The following ZFYVE1 variants were observed in gnomAD, a reference collection of about 807,000 sequenced individuals.
ZFYVE1 encodes the protein zinc finger FYVE domain-containing protein 1.
Under a neutral mutation model 74.4 loss-of-function variants are expected in ZFYVE1, and 30 were observed. The observed-to-expected ratio is 0.40, with a 90% confidence interval of 0.30 to 0.55. The LOEUF (loss-of-function observed/expected upper bound fraction) is 0.55. ZFYVE1 is among the 20% of genes least tolerant of loss of function. The probability of loss-of-function intolerance (pLI) is 0.42; values close to 1 mark genes in which losing one functional copy is unlikely to be tolerated. For synonymous variants in ZFYVE1, 335 were observed against 385.1 expected, an observed-to-expected ratio of 0.87 and a Z score of 1.52; for missense variants, 703 against 1,011.6, an observed-to-expected ratio of 0.69 and a Z score of 4.14.
At chr14:73,023,350 A>ATATATATGTTTTATATAT (rs1894379045) in intron 2 of ZFYVE1, among the ~76,000 whole-genome samples, 1 of 57,482 alleles carries the variant, frequency 1.7e-5, no homozygotes, top group Non-Finnish European at 3.6e-5. Context: ...TTTATATATA[A>ATATATATGTTTTATATAT]TATATATTAT....
rs1345867780 is a variant in ZFYVE1, at chr14:72,974,971, C to A, written c.1807-12G>T. 6.3e-7 allele frequency: 1 copy of A among 1,594,448 alleles called. No individual in the cohort carries two copies. Among genetic ancestry groups the A allele is most frequent in the Non-Finnish European group, 8.6e-7 (1 of 1,164,246 alleles). ...CACTTGTTGCAGCTCTGTTCCAAGC[C>A]CAAAACAAAACAGAGAGGCAGGTAG... is the stretch of plus-strand genomic sequence containing the variant. On this transcript the variant is annotated splice_polypyrimidine_tract_variant and intron_variant, in intron 9 of 11. Coordinates refer to ENST00000556143, the MANE Select transcript of ZFYVE1 (RefSeq NM_021260.4).
At chr14:73,001,358 A>G (rs1369797759) in intron 2 of ZFYVE1, among the ~76,000 whole-genome samples, 2 of 152,164 alleles carry the variant, frequency 1.3e-5, no homozygotes, top group African/African-American at 4.8e-5. Context: ...AGATTTTCCT[A>G]AAATCCACAG....
chr14:73,015,538 C>A (rs1230756714), intron 2 of ZFYVE1, among the ~76,000 whole-genome samples: 1 of 151,966 alleles, frequency 6.6e-6, no homozygotes, highest in Non-Finnish European at 1.5e-5. Flanking sequence ...ACTACAGGTG[C>A]CTGCCCAGCT....
At position 73,026,995 on chromosome 14, in the gene ZFYVE1, T is replaced by C. The variant is rs1274796179; in HGVS notation, c.-504A>G. 1 of 398,606 alleles carries C rather than the reference T, an allele frequency of 2.5e-6. No homozygotes were observed. The highest frequency in any genetic ancestry group is 2.1e-5 in the African/African-American group (1 of 48,608). 24.7% of individuals were successfully genotyped at this position (398,606 alleles called of 1,614,324 possible). ...GGGCGCCAGTGGGGGCAGAGGCTATTCCTCAGGACACCGGCAGATCCATCC... is the reference window on the plus strand; with the variant it reads ...GGGCGCCAGTGGGGGCAGAGGCTATCCCTCAGGACACCGGCAGATCCATCC... On this transcript the variant is annotated 5_prime_UTR_variant, in exon 1 of 12. Coordinates refer to ENST00000556143, the MANE Select transcript of ZFYVE1 (RefSeq NM_021260.4).
chr14:73,019,192 G>A (rs1416797190), intron 2 of ZFYVE1, among the ~76,000 whole-genome samples: 1 of 152,130 alleles, frequency 6.6e-6, no homozygotes, highest in Non-Finnish European at 1.5e-5. Flanking sequence ...AAACTGAGTA[G>A]TACTCAAATC....
chr14:72,973,109 C>A (rs563667950), intron 11 of ZFYVE1, among the ~76,000 whole-genome samples: 1 of 152,338 alleles, frequency 6.6e-6, no homozygotes, highest in East Asian at 1.9e-4. Context: ...CCTGCCCCCT[C>A]CCTTGAATCT....
chr14:72,970,075 T>C lies in ZFYVE1; in HGVS notation c.*807A>G. On this transcript the variant is annotated 3_prime_UTR_variant, in exon 12 of 12. Transcript: ENST00000556143. ...CGATTGAGGAGCTGGGTGCCGCCTT[T>C]TGGGAAAGCCGAGTGGAGACAGAAG... 2 of 314,948 alleles carry C rather than the reference T, an allele frequency of 6.4e-6. No homozygotes were observed. The highest frequency in any genetic ancestry group is 1.2e-5 in the Non-Finnish European group (2 of 170,422). The allele number at this position is 314,948 out of a possible 1,614,324, so 19.5% of individuals were successfully genotyped here. A position where few individuals can be genotyped will look rare whatever the true frequency, so the allele number is the denominator to read the frequency against.
At chr14:72,984,791 C>T (rs139022875) in intron 4 of ZFYVE1, among the ~76,000 whole-genome samples, 63 of 152,260 alleles carry the variant, frequency 4.1e-4, no homozygotes, top group African/African-American at 1.3e-3. Context: ...TACTGTAACT[C>T]GGTATTAAAT....
At chr14:72,979,011 G>C in intron 5 of ZFYVE1, 42 bp from the exon 6 acceptor site, 1 of 1,564,678 alleles carries the variant, frequency 6.4e-7, no homozygotes, top group Non-Finnish European at 8.8e-7. Context: ...GGCTAAAGGA[G>C]CCAGTGCCAC....
chr14:72,978,221 C>T lies in ZFYVE1; in HGVS notation c.1433G>A (p.Arg478Lys), dbSNP rs774599524. 4 of 1,614,032 alleles carry T rather than the reference C, an allele frequency of 2.5e-6. No individual in the cohort carries two copies. Among genetic ancestry groups the T allele is most frequent in the Admixed American group, 3.3e-5 (2 of 60,004 alleles). Residue 478 changes from arginine to lysine, a missense_variant, in exon 7 of 12, where the codon AGA (arginine) becomes AAA (lysine). Arg to Lys is a conservative substitution (Grantham distance 26). Coordinates refer to ENST00000556143, the MANE Select transcript of ZFYVE1 (RefSeq NM_021260.4). ...GGGCACTACACTGACTTCCTCGCCT[C>T]TCTCATAGCAGGCCTGAAACAGGAA... ...RVYTCKACYERGEEVSVVPKT... is the reference protein window; with the variant it reads ...RVYTCKACYEKGEEVSVVPKT...
chr14:73,024,157 C>T lies in ZFYVE1; in HGVS notation c.352G>A (p.Val118Ile). Residue 118 changes from valine to isoleucine, a missense_variant, in exon 2 of 12, where the codon GTT becomes ATT. By Grantham distance (29) the Val-to-Ile change is conservative. Around this residue, in one of 2 missense-constraint regions of ZFYVE1, gnomAD observed 211 missense variants for 221.7 expected, o/e 0.95. Coordinates refer to ENST00000556143, the MANE Select transcript of ZFYVE1 (RefSeq NM_021260.4). ...HSGGNKRRHP[V>I]TVYNVSNLQE... ...AGATTACTGACATTGTACACAGTAA[C>T]AGGGTGTCTCCTTTTGTTACCCCCA... The T allele has an allele frequency of 6.2e-7, 1 of 1,614,174 alleles. No individual in the cohort carries two copies.
At chr14:72,985,485 C>A (rs1241768114) in intron 4 of ZFYVE1, among the ~76,000 whole-genome samples, 1 of 152,036 alleles carries the variant, frequency 6.6e-6, no homozygotes, top group East Asian at 1.9e-4. Flanking sequence ...GCCCCTACCA[C>A]AATGTATGGA....
At chr14:73,025,181 G>A (rs2140395369) in intron 1 of ZFYVE1, among the ~76,000 whole-genome samples, 1 of 151,138 alleles carries the variant, frequency 6.6e-6, no homozygotes, top group Non-Finnish European at 1.5e-5. Context: ...CGATTCTCCT[G>A]CCTCAGCCTC....
intron 2 of ZFYVE1, among the ~76,000 whole-genome samples, chr14:73,000,683 G>A (rs572695347): frequency 1.3e-5 from 2 of 151,590 alleles, no homozygotes; most frequent in Admixed American, 6.6e-5. Context: ...TGGTGGGAAC[G>A]TAAAATCACA....
chr14:73,025,200 C>T (rs1214312487), intron 1 of ZFYVE1, among the ~76,000 whole-genome samples: 2 of 151,760 alleles, frequency 1.3e-5, no homozygotes, highest in African/African-American at 4.8e-5. Flanking sequence ...TCCCAAGGAG[C>T]TGGGATTACA....
chr14:72,979,134 CTT>C, intron 5 of ZFYVE1, 165 bp from the exon 6 acceptor site: 1 of 613,292 alleles, frequency 1.6e-6, no homozygotes, highest in Admixed American at 2.5e-5. Context: ...CCACATGCCT[CTT>C]TGTTACACTT....
chr14:73,025,773 A>C (rs890400116), intron 1 of ZFYVE1, among the ~76,000 whole-genome samples: 1 of 151,472 alleles, frequency 6.6e-6, no homozygotes, highest in Admixed American at 6.6e-5. Flanking sequence ...CTCTAGGCCC[A>C]AGGCATTTAA....
At chr14:73,017,500 CTT>C (rs1264882985) in intron 2 of ZFYVE1, among the ~76,000 whole-genome samples, 2 of 152,212 alleles carry the variant, frequency 1.3e-5, no homozygotes, top group Admixed American at 6.5e-5. Context: ...ATTTATCTCT[CTT>C]TTTTGTACTA....
rs1893394310 is a variant in ZFYVE1, at chr14:72,983,418, T to C, written c.1204-1523A>G. Among the ~76,000 whole-genome samples, 3 of 146,158 alleles carry C rather than the reference T, an allele frequency of 2.1e-5. No homozygotes were observed. In the South Asian group the frequency reaches 6.8e-4, roughly 33 times the overall value. ...TTCCTGTGTCCAAGTGTTCTCATTG[T>C]TCAATTCCCACCTATAAGTGAGAAC... is the stretch of plus-strand genomic sequence containing the variant. On this transcript the variant is annotated intron_variant, in intron 4 of 11. Coordinates refer to ENST00000556143, the MANE Select transcript of ZFYVE1 (RefSeq NM_021260.4).
Sources: allele counts gnomAD v4.1 joint callset (sites outside exome capture counted in the v4.1 genomes callset), GRCh38; gene constraint gnomAD v4.1.1; regional missense constraint gnomAD v4.1.1; transcripts MANE v1.5; gene names NCBI Gene and HGNC (gene_info 2026-07-23, HGNC 2026-07-21).